The following TENM4 variants were observed in gnomAD, a reference collection of about 807,000 sequenced individuals.
TENM4 encodes the protein teneurin-4.
A neutral mutation model predicts 243.3 loss-of-function variants in TENM4; 82 were observed. That is an observed-to-expected ratio of 0.34 (90% confidence interval 0.28 to 0.40). The LOEUF (loss-of-function observed/expected upper bound fraction) is 0.40, where lower values mean the gene tolerates loss of function less well. Ranked by LOEUF, TENM4 falls within the 10% of genes least tolerant of loss-of-function variation. The pLI, the probability that TENM4 is intolerant of heterozygous loss-of-function variation, is 1.00. For missense variants in TENM4, 3,138 were observed against 3,673.3 expected (o/e 0.85, Z 3.77); for synonymous variants, 1,412 against 1,456.3 (o/e 0.97, Z 0.69).
chr11:78,666,712 G>T lies in TENM4; in HGVS notation c.7408+2225C>A, dbSNP rs138754305. Among the ~76,000 whole-genome samples, 1,118 of 152,336 alleles carry T rather than the reference G, an allele frequency of 7.3e-3. 15 individuals are homozygous for T. The highest frequency in any genetic ancestry group is 0.026 in the African/African-American group (1,078 of 41,564). ...CTAGCTCTGTGGTCTACATCTGTGT[G>T]ACTCTGGGCAAACCCTTCATTGCAG... On this transcript the variant is annotated intron_variant, in intron 32 of 33. Transcript: ENST00000278550.
At chr11:78,720,962 T>G (rs1859634557) in intron 24 of TENM4, among the ~76,000 whole-genome samples, 2 of 152,308 alleles carry the variant, frequency 1.3e-5, no homozygotes, top group Admixed American at 6.5e-5. Context: ...TTTTCAAATT[T>G]CACTTATATC....
At chr11:79,216,575 C>T (rs1325108178) in intron 2 of TENM4, among the ~76,000 whole-genome samples, 1 of 152,198 alleles carries the variant, frequency 6.6e-6, no homozygotes, top group Admixed American at 6.5e-5. Context: ...ATTGTGATGG[C>T]TCTGCCTTGA....
At chr11:79,282,240 T>C (rs1429743286) in intron 2 of TENM4, among the ~76,000 whole-genome samples, 1 of 152,190 alleles carries the variant, frequency 6.6e-6, no homozygotes, top group Non-Finnish European at 1.5e-5. Context: ...GTCTTGATCA[T>C]GTTTGGTAGC....
At chr11:79,100,264 G>A (rs577016180) in intron 4 of TENM4, among the ~76,000 whole-genome samples, 1 of 151,458 alleles carries the variant, frequency 6.6e-6, no homozygotes, top group Non-Finnish European at 1.5e-5. Context: ...TTAGGTCCCC[G>A]CCCCCTCCTA....
At chr11:79,312,722 A>G (rs1856742260) in intron 1 of TENM4, among the ~76,000 whole-genome samples, 2 of 152,252 alleles carry the variant, frequency 1.3e-5, no homozygotes, top group Admixed American at 6.5e-5. Context: ...TGTGTTCCCA[A>G]CACTTCTTGG....
rs183037918 is a variant in TENM4 at position 78,715,241 on chromosome 11, A to G, written c.3822-2527T>C. ...AGATGACATCAATTCTGGCTACATA[A>G]AAGGCGGTGACCTTAGATCCTACTG... On this transcript the variant is annotated intron_variant, in intron 25 of 33. Transcript: ENST00000278550. Among the ~76,000 whole-genome samples the G allele has an allele frequency of 1.2e-3, 179 of 152,344 alleles. 1 individual carries two copies. The highest frequency in any genetic ancestry group is 4.6e-3 in the South Asian group (22 of 4,832).
At chr11:78,772,231 T>C (rs570052151) in intron 17 of TENM4, among the ~76,000 whole-genome samples, 1 of 152,218 alleles carries the variant, frequency 6.6e-6, no homozygotes, top group Non-Finnish European at 1.5e-5. Context: ...TTGCCACATC[T>C]TTAAACCTCT....
In TENM4 at chr11:78,711,975, A is replaced by G. The variant is rs542701750; in HGVS notation, c.4054+507T>C. ...GTGATTGTGGGCATTTAGAGGTTCA[A>G]CTTTTTGAGGGACTCAGAATTGAGA... On this transcript the variant is annotated intron_variant, in intron 26 of 33. Coordinates refer to ENST00000278550, the MANE Select transcript of TENM4 (RefSeq NM_001098816.3). Among the ~76,000 whole-genome samples the G allele has an allele frequency of 3.9e-5, 6 of 152,306 alleles. No homozygotes were observed. The South Asian group carries it at 1.2e-3, about 32-fold the overall frequency.
intron 18 of TENM4, 144 bp downstream of exon 18, chr11:78,770,848 T>G: frequency 1.0e-6 from 1 of 966,082 alleles, no homozygotes. Flanking sequence ...CTAAGCCACA[T>G]GTGCAGTTTT....
At chr11:79,136,876 A>G (rs1466848634) in intron 4 of TENM4, among the ~76,000 whole-genome samples, 1 of 152,170 alleles carries the variant, frequency 6.6e-6, no homozygotes, top group Non-Finnish European at 1.5e-5. Flanking sequence ...GATTGATAGA[A>G]TGGTGGAATG....
At chr11:79,166,430 T>C (rs1329575175) in intron 3 of TENM4, among the ~76,000 whole-genome samples, 1 of 152,178 alleles carries the variant, frequency 6.6e-6, no homozygotes, top group African/African-American at 2.4e-5. Context: ...GATTCAGAGA[T>C]GAATCATACA....
chr11:78,772,939 AT>A (rs2135999106), intron 17 of TENM4, among the ~76,000 whole-genome samples: 1 of 152,352 alleles, frequency 6.6e-6, no homozygotes, highest in Admixed American at 6.5e-5. Context: ...CCAAAAAGTG[AT>A]TGAGAAAGAA....
At chr11:79,158,395 C>T (rs927943049) in intron 3 of TENM4, among the ~76,000 whole-genome samples, 1 of 152,270 alleles carries the variant, frequency 6.6e-6, no homozygotes, top group East Asian at 1.9e-4. Context: ...TGGGGTTGAG[C>T]CTGGCTCTGT....
chr11:79,320,838 C>T (rs1856876161), intron 1 of TENM4, among the ~76,000 whole-genome samples: 2 of 152,190 alleles, frequency 1.3e-5, no homozygotes, highest in African/African-American at 4.8e-5. Flanking sequence ...CTATAGCTTT[C>T]ATTTTAGGGA....
chr11:79,082,297 C>T (rs1860695761), intron 4 of TENM4, among the ~76,000 whole-genome samples: 1 of 152,144 alleles, frequency 6.6e-6, no homozygotes, highest in Non-Finnish European at 1.5e-5. Flanking sequence ...CAAATCCACT[C>T]CCTCGGCCCC....
At chr11:79,045,311 G>A (rs1459340696) in intron 6 of TENM4, among the ~76,000 whole-genome samples, 1 of 152,166 alleles carries the variant, frequency 6.6e-6, no homozygotes, top group Non-Finnish European at 1.5e-5. Context: ...AGGAGGTTGT[G>A]TTCCAGGAAT....
chr11:78,841,955 G>A (rs1042698591), intron 12 of TENM4, among the ~76,000 whole-genome samples: 4 of 151,970 alleles, frequency 2.6e-5, no homozygotes, highest in Admixed American at 6.6e-5. Context: ...ACTTTTTCCC[G>A]TCTGTCTTCT....
chr11:79,006,218 C>A (rs546548604), intron 6 of TENM4, among the ~76,000 whole-genome samples: 1 of 152,174 alleles, frequency 6.6e-6, no homozygotes, highest in South Asian at 2.1e-4. Flanking sequence ...CCCTTTCTAC[C>A]CCCTACTCAG....
Position 78,658,334 on chromosome 11 carries a change from G to A in TENM4, c.8034C>T (p.Arg2678=), listed in dbSNP as rs113551538. Residue 2678 remains arginine, a synonymous_variant, in exon 34 of 34, where the codon CGC becomes CGT. Transcript: ENST00000278550. ...TCTCCTCATCCAACGTTGTCCCGTA[G>A]CGTGTGTTCAAGCACAGTGCCCCGT... ...LQYGALCLNT[R]YGTTLDEEKA... 2 of 1,613,660 alleles carry A rather than the reference G, an allele frequency of 1.2e-6. No individual in the cohort carries two copies.
Sources: allele counts gnomAD v4.1 joint callset (sites outside exome capture counted in the v4.1 genomes callset), GRCh38; gene constraint gnomAD v4.1.1; transcripts MANE v1.5; gene names NCBI Gene and HGNC (gene_info 2026-07-23, HGNC 2026-07-21).